MAP3K5: variants seen among roughly 807,000 people sequenced by gnomAD.
MAP3K5 encodes ASK-1.
A neutral mutation model predicts 158.7 loss-of-function variants in MAP3K5; 56 were observed. The observed-to-expected ratio is 0.35, with a 90% CI of 0.28 to 0.44. MAP3K5 has a LOEUF of 0.44. Ranked by LOEUF, MAP3K5 falls within the 20% of genes least tolerant of loss-of-function variation. MAP3K5 has a pLI of 1.00. For synonymous variants in MAP3K5, 579 were observed against 601.7 expected (o/e 0.96, Z 0.55); for missense variants, 1,294 against 1,674.8 (o/e 0.77, Z 3.97).
chr6:136,721,818 G>A (rs1781756757), intron 1 of MAP3K5, among the ~76,000 whole-genome samples: 1 of 152,122 alleles, frequency 6.6e-6, no homozygotes, highest in Non-Finnish European at 1.5e-5. Flanking sequence ...AGGAGTTTGA[G>A]GCCAGCCTGG....
At chr6:136,661,906 T>C (rs937108102) in intron 8 of MAP3K5, among the ~76,000 whole-genome samples, 4 of 152,164 alleles carry the variant, frequency 2.6e-5, no homozygotes, top group Non-Finnish European at 5.9e-5. Context: ...TTTGTGGTGG[T>C]GATATTTGGT....
chr6:136,724,955 G>A (rs1461741813), intron 1 of MAP3K5, among the ~76,000 whole-genome samples: 1 of 152,058 alleles, frequency 6.6e-6, no homozygotes, highest in Non-Finnish European at 1.5e-5. Context: ...CCAAATCCCA[G>A]TCCCTGGCAA....
At position 136,791,722 on chromosome 6, in the gene MAP3K5, A is replaced by G. The variant is rs763262385; in HGVS notation, c.436T>C (p.Phe146Leu). The G allele has an allele frequency of 1.2e-6, 2 of 1,613,230 alleles. No homozygotes were observed. The highest frequency in any genetic ancestry group is 3.3e-5 in the Admixed American group (2 of 60,034). ...GTCACACACGCACCTGCATTGTAAA[A>G]GCGGTCCAGCACGGTGGTTTCTCCA... ...DFGETTVLDR[F>L]YNADIAVVEM... The change falls in exon 1 of 30, where the codon TTT (phenylalanine) becomes CTT (leucine). Residue 146 changes from phenylalanine (F) to leucine (L), a missense_variant. By Grantham distance (22) the Phe-to-Leu change is conservative (BLOSUM62 0). Transcript: ENST00000359015.
At position 136,613,351 on chromosome 6, in the gene MAP3K5, T is replaced by C; in HGVS notation, c.2279-95A>G. The C allele has an allele frequency of 1.7e-6, 2 of 1,153,958 alleles. No homozygotes were observed. Among genetic ancestry groups the C allele is most frequent in the Admixed American group, 2.6e-5 (1 of 39,124 alleles). The allele number at this position is 1,153,958 out of a possible 1,614,324, so 71.5% of individuals were successfully genotyped here. On this transcript the variant is annotated intron_variant, in intron 16 of 29. Transcript: ENST00000359015. This position sits in a 1 kb window ranked among gnomAD's most constrained non-coding sequence, Gnocchi z 4.0. ...AACAGTAATTTAAGCTAACAGTCAT[T>C]GGTTCTTCACAGTGGCCCAGGAGCT...
intron 7 of MAP3K5, among the ~76,000 whole-genome samples, chr6:136,681,148 C>T (rs1779916809): frequency 1.3e-5 from 2 of 152,184 alleles, no homozygotes; most frequent in Admixed American, 1.3e-4. Flanking sequence ...CAAACAATCG[C>T]TTTGGTTCAC....
At chr6:136,703,129 A>G (rs1448932097) in intron 3 of MAP3K5, among the ~76,000 whole-genome samples, 2 of 152,190 alleles carry the variant, frequency 1.3e-5, no homozygotes, top group Admixed American at 1.3e-4. Context: ...CTGGAAGGAA[A>G]AGCTCTCAGC....
chr6:136,707,313 G>A (rs1456727666), intron 2 of MAP3K5, among the ~76,000 whole-genome samples: 2 of 152,236 alleles, frequency 1.3e-5, no homozygotes, highest in African/African-American at 4.8e-5. Flanking sequence ...CAAGGGCTAT[G>A]CTTTATCAGA....
chr6:136,656,276 A>G (rs1778742811), intron 10 of MAP3K5, 31 bp downstream of exon 10: 1 of 1,597,526 alleles, frequency 6.3e-7, no homozygotes, highest in African/African-American at 1.3e-5. Flanking sequence ...AAATAAAGAA[A>G]TGTACTTAGA....
chr6:136,641,420 T>C (rs913682807), intron 12 of MAP3K5, among the ~76,000 whole-genome samples: 7 of 152,208 alleles, frequency 4.6e-5, no homozygotes, highest in Admixed American at 6.5e-5. Flanking sequence ...CACATCTAAT[T>C]TGGTTTGAAA....
intron 1 of MAP3K5, among the ~76,000 whole-genome samples, chr6:136,790,734 C>G (rs1475939169): frequency 6.6e-6 from 1 of 152,194 alleles, no homozygotes; most frequent in South Asian, 2.1e-4. Flanking sequence ...TTTGAAACTA[C>G]TAAACCAAGT....
intron 1 of MAP3K5, among the ~76,000 whole-genome samples, chr6:136,757,167 G>C (rs2114949931): frequency 6.6e-6 from 1 of 152,342 alleles, no homozygotes; most frequent in African/African-American, 2.4e-5. Context: ...TTTATGCTGG[G>C]ACGTGGGGCA....
intron 1 of MAP3K5, among the ~76,000 whole-genome samples, chr6:136,760,526 A>G (rs2114965156): frequency 6.6e-6 from 1 of 152,378 alleles, no homozygotes; most frequent in African/African-American, 2.4e-5. Flanking sequence ...TATTGATTCA[A>G]TAAATACTAC....
chr6:136,705,105 C>T lies in MAP3K5; in HGVS notation c.612+5G>A. 2 of 1,195,510 alleles carry T rather than the reference C, an allele frequency of 1.7e-6. No individual in the cohort carries two copies. Among genetic ancestry groups the T allele is most frequent in the Non-Finnish European group, 2.4e-6 (2 of 849,118 alleles). 74.1% of individuals were successfully genotyped at this position (1,195,510 alleles called of 1,614,324 possible). On this transcript the variant is annotated splice_donor_5th_base_variant and intron_variant, in intron 3 of 29. Coordinates refer to ENST00000359015, the MANE Select transcript of MAP3K5 (RefSeq NM_005923.4). Reference sequence around the variant, plus strand: ...AAACTCTGGAAGGTTAAATAAAGTACTCACAGTATTCTTCTGGCAAATTAT... The same window carrying T: ...AAACTCTGGAAGGTTAAATAAAGTATTCACAGTATTCTTCTGGCAAATTAT...
At chr6:136,751,058 C>T (rs769883197) in intron 1 of MAP3K5, among the ~76,000 whole-genome samples, 9 of 151,790 alleles carry the variant, frequency 5.9e-5, no homozygotes, top group Non-Finnish European at 1.0e-4. Context: ...ACTTTTTCAC[C>T]ACTTCATCCC....
Position 136,694,229 on chromosome 6 carries a change from A to G in MAP3K5, c.1164T>C (p.Asp388=). Residue 388 remains aspartate, a synonymous_variant, in exon 7 of 30, where the codon GAT becomes GAC. Coordinates refer to ENST00000359015, the MANE Select transcript of MAP3K5 (RefSeq NM_005923.4). ...AGATTCGACCAACTAGGCAATACATATCTGAAGCAACTTGTCCTTCGCTTT... is the reference window on the plus strand; with the variant it reads ...AGATTCGACCAACTAGGCAATACATGTCTGAAGCAACTTGTCCTTCGCTTT... ...MVQSEGQVAS[D]MYCLVGRIYK... is the part of the protein sequence containing the mutation. 2 of 1,613,872 alleles carry G rather than the reference A, an allele frequency of 1.2e-6. No individual in the cohort carries two copies. Among genetic ancestry groups the G allele is most frequent in the Non-Finnish European group, 1.7e-6 (2 of 1,179,912 alleles).
At chr6:136,599,983 T>C (rs1775802610) in intron 21 of MAP3K5, among the ~76,000 whole-genome samples, 1 of 151,748 alleles carries the variant, frequency 6.6e-6, no homozygotes. Context: ...ATGGAAGAAA[T>C]GGAAGAAGAA....
chr6:136,678,652 C>T (rs1441668143), intron 7 of MAP3K5, among the ~76,000 whole-genome samples: 13 of 151,858 alleles, frequency 8.6e-5, no homozygotes, highest in Admixed American at 8.5e-4. Context: ...TTTGAGTAAC[C>T]ATACGAAGTT....
intron 11 of MAP3K5, among the ~76,000 whole-genome samples, chr6:136,646,137 G>A (rs1309557262): frequency 1.3e-5 from 2 of 152,066 alleles, no homozygotes; most frequent in Non-Finnish European, 2.9e-5. Flanking sequence ...CAAAGAAATT[G>A]ACATAAATTC....
At chr6:136,747,943 T>C (rs1316216796) in intron 1 of MAP3K5, among the ~76,000 whole-genome samples, 1 of 152,216 alleles carries the variant, frequency 6.6e-6, no homozygotes, top group African/African-American at 2.4e-5. Context: ...AATATTGCTG[T>C]ATTTAAGAAC....
Sources: gnomAD v4.1 joint callset for allele counts (sites outside exome capture counted in the v4.1 genomes callset) on GRCh38, gnomAD v4.1.1 for gene constraint, Gnocchi (gnomAD v3.1) non-coding constraint, MANE v1.5 for transcripts, NCBI Gene and HGNC (gene_info 2026-07-23, HGNC 2026-07-21) for gene names.